The following DNAH8 variants were observed in gnomAD, a reference collection of about 807,000 sequenced individuals.
DNAH8 encodes the protein axonemal beta dynein heavy chain 8.
A neutral mutation model predicts 562.1 loss-of-function variants in DNAH8; 382 were observed. The observed-to-expected ratio is 0.68, with a 90% CI of 0.63 to 0.74. DNAH8 has a LOEUF of 0.74. Among genes scored for constraint, DNAH8 ranks in the 30% least tolerant of loss-of-function variants. DNAH8 has a pLI of 0.00. For missense variants in DNAH8, 5,203 were observed against 5,620.4 expected (o/e 0.93, Z 2.37); for synonymous variants, 1,881 against 1,919.4 (o/e 0.98, Z 0.52).
At chr6:38,844,551 C>T (rs1775127075) in intron 35 of DNAH8, among the ~76,000 whole-genome samples, 1 of 152,172 alleles carries the variant, frequency 6.6e-6, no homozygotes, top group African/African-American at 2.4e-5. Context: ...GTGACCATCT[C>T]CTTCTTATAA....
Position 38,723,047 on chromosome 6 carries a change from G to C in DNAH8, c.238G>C (p.Asp80His), listed in dbSNP as rs767635716. ...AGTTCTTCCAGATGATCATGAAGCGGATCTGAATAGAGTTCGACAGAGGCT... is the reference window on the plus strand; with the variant it reads ...AGTTCTTCCAGATGATCATGAAGCGCATCTGAATAGAGTTCGACAGAGGCT... Reference protein sequence around the residue: ...GIVLPDDHEADLNRVRQRLAP... With the variant: ...GIVLPDDHEAHLNRVRQRLAP... The change falls in exon 2 of 93, where the codon GAT becomes CAT. Residue 80 changes from aspartate (D) to histidine (H), a missense_variant. Around this residue, in one of 6 missense-constraint regions of DNAH8, gnomAD observed 556 missense variants for 496.9 expected, o/e 1.12. Transcript: ENST00000327475. 5.0e-6 allele frequency: 8 copies of C among 1,612,884 alleles called. No homozygotes were observed. The highest frequency in any genetic ancestry group is 1.7e-5 in the Admixed American group (1 of 60,030).
intron 85 of DNAH8, among the ~76,000 whole-genome samples, chr6:38,978,708 C>T (rs1763834661): frequency 6.6e-6 from 1 of 152,158 alleles, no homozygotes; most frequent in Non-Finnish European, 1.5e-5. Context: ...GTGGGAACTG[C>T]TGAGGTAGAA....
chr6:38,831,339 C>T lies in DNAH8; in HGVS notation c.4189-983C>T, dbSNP rs573026866. ...ATTTGGGAGGCTGAGGTGGGAGGAT[C>T]ACTTGAGCCCCAGAGGTTGAGACTG... is the stretch of plus-strand genomic sequence containing the variant. On this transcript the variant is annotated intron_variant, in intron 30 of 92. Transcript: ENST00000327475. 4.7e-5 allele frequency among the ~76,000 whole-genome samples: 7 copies of T among 148,486 alleles called. No individual in the cohort carries two copies. In the East Asian group the frequency reaches 1.4e-3, roughly 30 times the overall value.
chr6:38,996,251 A>G (rs1765123232), intron 88 of DNAH8, among the ~76,000 whole-genome samples: 1 of 151,892 alleles, frequency 6.6e-6, no homozygotes, highest in Admixed American at 6.6e-5. Flanking sequence ...CATGCCTATA[A>G]ATCTATGGCC....
chr6:38,718,446 T>C (rs13217648), intron 1 of DNAH8, among the ~76,000 whole-genome samples: 24,712 of 152,168 alleles, frequency 0.16, 2,670 homozygotes, highest in Non-Finnish European at 0.24. Flanking sequence ...CAAGCAATAT[T>C]TGACACTCAA....
At chr6:38,745,775 G>C (rs1366159991) in intron 8 of DNAH8, among the ~76,000 whole-genome samples, 1 of 152,148 alleles carries the variant, frequency 6.6e-6, no homozygotes, top group Non-Finnish European at 1.5e-5. Context: ...GAATAGTAAT[G>C]GTCAGTTATT....
At chr6:39,023,581 A>G in intron 91 of DNAH8, among the ~76,000 whole-genome samples, 1 of 152,232 alleles carries the variant, frequency 6.6e-6, no homozygotes, top group East Asian at 1.9e-4. Context: ...AGAAAAATAT[A>G]TCAATAGTCT....
intron 21 of DNAH8, among the ~76,000 whole-genome samples, chr6:38,794,251 G>T (rs1366069675): frequency 2.6e-5 from 4 of 151,884 alleles, no homozygotes; most frequent in Non-Finnish European, 4.4e-5. Flanking sequence ...TTAAGCAAGG[G>T]TGGGGATGGG....
At chr6:38,825,824 G>A (rs982386711) in intron 28 of DNAH8, among the ~76,000 whole-genome samples, 5 of 152,128 alleles carry the variant, frequency 3.3e-5, no homozygotes, top group African/African-American at 9.7e-5. Flanking sequence ...CGAGAAAAAT[G>A]CGAGAATGAA....
intron 20 of DNAH8, among the ~76,000 whole-genome samples, chr6:38,790,874 G>T (rs1387791261): frequency 6.6e-6 from 1 of 151,760 alleles, no homozygotes; most frequent in East Asian, 1.9e-4. Flanking sequence ...CTGGATTGGG[G>T]TCTTCATTTA....
At position 38,782,952 on chromosome 6, in the gene DNAH8, A is replaced by G. The variant is rs73734463; in HGVS notation, c.2260-52A>G. ...ATATAAGTACTTTCATTATTTGGAT[A>G]TAAAAACATTCAGCAGTCTTTTAAA... On this transcript the variant is annotated intron_variant, in intron 16 of 92. Coordinates refer to ENST00000327475, the MANE Select transcript of DNAH8 (RefSeq NM_001206927.2). 1,089 of 1,498,836 alleles carry G rather than the reference A, an allele frequency of 7.3e-4. 14 individuals carry two copies. In the African/African-American group the frequency reaches 0.014, roughly 20 times the overall value. 92.8% of individuals were successfully genotyped at this position (1,498,836 alleles called of 1,614,324 possible).
intron 82 of DNAH8, among the ~76,000 whole-genome samples, chr6:38,970,099 C>G: frequency 6.6e-6 from 1 of 152,086 alleles, no homozygotes; most frequent in East Asian, 1.9e-4. Flanking sequence ...AACAACTGTC[C>G]CAGGGCCACC....
chr6:38,730,031 C>A, intron 4 of DNAH8, 45 bp downstream of exon 4: 2 of 854,816 alleles, frequency 2.3e-6, no homozygotes, highest in Non-Finnish European at 3.8e-6. Flanking sequence ...AGTTCATGCA[C>A]GTTAAAGTGC....
chr6:38,842,953 T>G, intron 35 of DNAH8, 50 bp downstream of exon 35: 8 of 1,584,928 alleles, frequency 5.0e-6, no homozygotes, highest in Non-Finnish European at 6.9e-6. Flanking sequence ...GAATGTCTGC[T>G]TTTTCTTTTC....
chr6:38,941,778 G>A (rs11967549), intron 79 of DNAH8, among the ~76,000 whole-genome samples: 6,338 of 152,232 alleles, frequency 0.042, 409 homozygotes, highest in African/African-American at 0.13. Flanking sequence ...GCATTGAAGC[G>A]TGCTGAAATC....
chr6:38,777,150 T>G (rs957871042), intron 13 of DNAH8, among the ~76,000 whole-genome samples: 1 of 152,190 alleles, frequency 6.6e-6, no homozygotes, highest in Non-Finnish European at 1.5e-5. Context: ...CTTAGACTCT[T>G]TGATATGAAG....
At chr6:38,736,976 CTA>C in intron 5 of DNAH8, 89 bp from the exon 6 acceptor site, 1 of 877,460 alleles carries the variant, frequency 1.1e-6, no homozygotes. Context: ...TATTAGTTGT[CTA>C]TGTTTATTGC....
intron 91 of DNAH8, among the ~76,000 whole-genome samples, chr6:39,021,911 C>G (rs1766939587): frequency 1.3e-5 from 2 of 152,130 alleles, no homozygotes; most frequent in Admixed American, 6.5e-5. Flanking sequence ...TTTCTAAGAC[C>G]TTGTATGAAA....
Position 38,883,815 on chromosome 6 carries a change from T to C in DNAH8, c.8137-61T>C, listed in dbSNP as rs1583270168. On this transcript the variant is annotated intron_variant, in intron 55 of 92. Coordinates refer to ENST00000327475, the MANE Select transcript of DNAH8 (RefSeq NM_001206927.2). ...TATTCTACTCTGACAAGAATGCTCA[T>C]TATTTTTAGAAGTATGGATTAAAAT... is the stretch of plus-strand genomic sequence containing the variant. 4 of 1,356,094 alleles carry C rather than the reference T, an allele frequency of 2.9e-6. No individual in the cohort carries two copies. In the East Asian group the frequency reaches 1.0e-4, roughly 36 times the overall value. 84.0% of individuals were successfully genotyped at this position (1,356,094 alleles called of 1,614,324 possible).
Sources: allele counts gnomAD v4.1 joint callset (sites outside exome capture counted in the v4.1 genomes callset), GRCh38; gene constraint gnomAD v4.1.1; regional missense constraint gnomAD v4.1.1; transcripts MANE v1.5; gene names NCBI Gene and HGNC (gene_info 2026-07-23, HGNC 2026-07-21).